The following PRAG1 variants were observed in gnomAD, a reference collection of about 807,000 sequenced individuals.
PRAG1 encodes the protein PEAK1 related, kinase-activating pseudokinase 1, also known as inactive tyrosine-protein kinase PRAG1.
Under a neutral mutation model 95.6 loss-of-function variants are expected in PRAG1, and 110 were observed. That is an observed-to-expected ratio of 1.15 (90% confidence interval 0.99 to 1.35). PRAG1 has a LOEUF of 1.35. PRAG1 is among the 40% of genes most tolerant of loss of function. The probability of loss-of-function intolerance (pLI) is 0.00; values close to 1 mark genes in which losing one functional copy is unlikely to be tolerated. For synonymous variants in PRAG1, 1,052 were observed against 819.4 expected (o/e 1.28, Z -4.85); for missense variants, 2,554 against 1,864.7 (o/e 1.37, Z -6.81).
chr8:8,377,339 A>T lies in PRAG1; in HGVS notation c.1070T>A (p.Phe357Tyr). The change falls in exon 3 of 6, where the codon TTC becomes TAC. Residue 357 changes from phenylalanine (F) to tyrosine (Y), a missense_variant. Transcript: ENST00000615670. ...GTAATCACTCTCGAGGTGGGGGACG[A>T]AGGGGCTACTGGCGCCGCTGCCGCT... The part of the protein sequence containing the change: ...SGSGSGASSP[F>Y]VPHLESDYCS... 1 of 1,602,734 alleles carries T rather than the reference A, an allele frequency of 6.2e-7. No individual in the cohort carries two copies.
intron 4 of PRAG1, 23 bp from the exon 5 acceptor site, chr8:8,328,484 A>G (rs1798720553): frequency 6.2e-7 from 1 of 1,611,648 alleles, no homozygotes; most frequent in Non-Finnish European, 8.5e-7. Flanking sequence ...GACAGAAACC[A>G]TAAGACCAAG....
chr8:8,362,606 C>A (rs1799877872), intron 3 of PRAG1, among the ~76,000 whole-genome samples: 1 of 152,178 alleles, frequency 6.6e-6, no homozygotes, highest in African/African-American at 2.4e-5. Flanking sequence ...CCTGGATGAG[C>A]CCCCAAACTG....
intron 4 of PRAG1, among the ~76,000 whole-genome samples, chr8:8,337,039 C>A (rs1222916058): frequency 6.6e-6 from 1 of 152,090 alleles, no homozygotes; most frequent in Non-Finnish European, 1.5e-5. Context: ...TCCATTCATT[C>A]AGGCCAGCCT....
chr8:8,336,460 A>T (rs1486675128), intron 4 of PRAG1, among the ~76,000 whole-genome samples: 1 of 152,138 alleles, frequency 6.6e-6, no homozygotes, highest in African/African-American at 2.4e-5. Flanking sequence ...AAACCAAACA[A>T]CTGCTTCGAC....
At chr8:8,343,411 T>C (rs146131505) in intron 3 of PRAG1, among the ~76,000 whole-genome samples, 2 of 152,336 alleles carry the variant, frequency 1.3e-5, no homozygotes, top group East Asian at 3.9e-4. Flanking sequence ...AAATAACTAG[T>C]AATGAATGAA....
intron 3 of PRAG1, among the ~76,000 whole-genome samples, chr8:8,370,177 G>T (rs1800145094): frequency 6.6e-6 from 1 of 152,228 alleles, no homozygotes; most frequent in African/African-American, 2.4e-5. Context: ...TGTAGAACAA[G>T]ACTCTAGGAA....
rs572814489 is a variant in PRAG1, at chr8:8,380,884, T to C, written c.330+534A>G. Among the ~76,000 whole-genome samples the C allele has an allele frequency of 6.0e-4, 84 of 141,130 alleles. 1 individual carries two copies. The South Asian group carries it at 0.018, about 31-fold the overall frequency. 92.6% of individuals were successfully genotyped at this position (141,130 alleles called of 152,430 possible). A position where few individuals can be genotyped will look rare whatever the true frequency, so the allele number is the denominator to read the frequency against. On this transcript the variant is annotated intron_variant, in intron 2 of 5. Coordinates refer to ENST00000615670, the MANE Select transcript of PRAG1 (RefSeq NM_001080826.3). ...AAAAAAAAAAAAAAAAAAAATTAAG[T>C]GTGATAATGGTATTGTGGTTATGTT...
At chr8:8,380,157 C>G (rs1800584410) in intron 2 of PRAG1, among the ~76,000 whole-genome samples, 1 of 152,024 alleles carries the variant, frequency 6.6e-6, no homozygotes, top group East Asian at 1.9e-4. Context: ...TACCTCTAGT[C>G]TTAGATTCCT....
intron 4 of PRAG1, among the ~76,000 whole-genome samples, chr8:8,335,547 TAA>T (rs147426243): frequency 6.6e-6 from 1 of 151,426 alleles, no homozygotes; most frequent in African/African-American, 2.4e-5. Flanking sequence ...TGAATTTTTA[TAA>T]AAAAAAAGTA....
chr8:8,355,692 A>G (rs1234132963), intron 3 of PRAG1, among the ~76,000 whole-genome samples: 16 of 152,200 alleles, frequency 1.1e-4, no homozygotes. Context: ...AGTCTCTTTA[A>G]TAAATGGTGC....
chr8:8,335,547 T>TAA (rs147426243), intron 4 of PRAG1, among the ~76,000 whole-genome samples: 25 of 151,542 alleles, frequency 1.6e-4, no homozygotes, highest in Middle Eastern at 3.4e-3. Flanking sequence ...TGAATTTTTA[T>TAA]AAAAAAAAAG....
At chr8:8,374,755 G>A (rs2921007) in intron 3 of PRAG1, 129,564 of 965,064 alleles carry the variant, frequency 0.13, 9,265 homozygotes, top group African/African-American at 0.24. Context: ...TGGGCGGCCA[G>A]TGCAATACCA....
intron 3 of PRAG1, among the ~76,000 whole-genome samples, chr8:8,362,796 C>T (rs1799883785): frequency 6.6e-6 from 1 of 152,214 alleles, no homozygotes; most frequent in Non-Finnish European, 1.5e-5. Context: ...TTGCTCTGTC[C>T]TATCTCTACT....
intron 3 of PRAG1, among the ~76,000 whole-genome samples, chr8:8,348,868 G>T (rs776167003): frequency 6.6e-6 from 1 of 152,208 alleles, no homozygotes; most frequent in Non-Finnish European, 1.5e-5. Context: ...GGTTTGAGGA[G>T]CTGTGTCACA....
chr8:8,380,651 C>T (rs945740604), intron 2 of PRAG1, among the ~76,000 whole-genome samples: 12 of 151,792 alleles, frequency 7.9e-5, no homozygotes, highest in South Asian at 2.1e-4. Flanking sequence ...GTCAAGAGAT[C>T]GAGACCATCC....
At chr8:8,335,636 C>T (rs2117135533) in intron 4 of PRAG1, among the ~76,000 whole-genome samples, 1 of 152,268 alleles carries the variant, frequency 6.6e-6, no homozygotes, top group South Asian at 2.1e-4. Flanking sequence ...TGAAGCTTCA[C>T]TTCAGTGATA....
intron 3 of PRAG1, among the ~76,000 whole-genome samples, chr8:8,374,206 G>C (rs948319755): frequency 6.6e-6 from 1 of 152,218 alleles, no homozygotes; most frequent in Admixed American, 6.5e-5. Context: ...AGAGACTCCA[G>C]ACTCTCAGTT....
rs949090074 is a variant in PRAG1, at chr8:8,354,686, A to G, written c.2163-15051T>C. Among the ~76,000 whole-genome samples, 3 of 152,176 alleles carry G rather than the reference A, an allele frequency of 2.0e-5. No homozygotes were observed. In the East Asian group the frequency reaches 5.8e-4, roughly 29 times the overall value. On this transcript the variant is annotated intron_variant, in intron 3 of 5. Coordinates refer to ENST00000615670, the MANE Select transcript of PRAG1 (RefSeq NM_001080826.3). ...AGAATGAAAGATAGAAACCACATCT[A>G]AATTGACATAGAAAAAGCATTTGAC...
chr8:8,376,089 G>C (rs528842556), intron 3 of PRAG1, among the ~76,000 whole-genome samples, 158 bp downstream of exon 3: 1 of 152,088 alleles, frequency 6.6e-6, no homozygotes, highest in Non-Finnish European at 1.5e-5. Context: ...CCTGCTCTCC[G>C]AGGGCTGCAC....
Sources: gnomAD v4.1 joint callset for allele counts (sites outside exome capture counted in the v4.1 genomes callset) on GRCh38, gnomAD v4.1.1 for gene constraint, MANE v1.5 for transcripts, NCBI Gene and HGNC (gene_info 2026-07-23, HGNC 2026-07-21) for gene names.